PTCH1: variants seen among roughly 807,000 people sequenced by gnomAD.
The protein encoded by PTCH1 is patched 1.
Under a neutral mutation model 144.6 loss-of-function variants are expected in PTCH1, and 14 were observed. The observed-to-expected ratio is 0.10, with a 90% CI of 0.06 to 0.15. The LOEUF (loss-of-function observed/expected upper bound fraction) is 0.15. Among genes scored for constraint, PTCH1 ranks in the 10% least tolerant of loss-of-function variants. PTCH1 has a pLI of 1.00. For synonymous variants in PTCH1, 833 were observed against 793.6 expected, an observed-to-expected ratio of 1.05 and a Z score of -0.83; for missense variants, 1,623 against 1,948.3, an observed-to-expected ratio of 0.83 and a Z score of 3.14.
At chr9:95,463,744 C>T (rs1839756479) in intron 15 of PTCH1, among the ~76,000 whole-genome samples, 1 of 152,100 alleles carries the variant, frequency 6.6e-6, no homozygotes, top group Admixed American at 6.5e-5. Flanking sequence ...TCCGGCTTCA[C>T]AGATGGAGGA....
chr9:95,516,167 T>C (rs1283986781), intron 1 of PTCH1, among the ~76,000 whole-genome samples: 1 of 150,596 alleles, frequency 6.6e-6, no homozygotes, highest in Non-Finnish European at 1.5e-5. Flanking sequence ...CCCGGAGCCG[T>C]TCCTCAGCCG....
chr9:95,473,831 C>T (rs1264619157), intron 12 of PTCH1, among the ~76,000 whole-genome samples: 2 of 152,162 alleles, frequency 1.3e-5, no homozygotes, highest in African/African-American at 4.8e-5. Flanking sequence ...CGTGAGCCAC[C>T]GTGCGAAGCA....
chr9:95,466,945 G>A (rs1465363129), intron 15 of PTCH1, among the ~76,000 whole-genome samples, 171 bp downstream of exon 15: 1 of 152,172 alleles, frequency 6.6e-6, no homozygotes, highest in Non-Finnish European at 1.5e-5. Context: ...GCCAGATCTG[G>A]GAGGCTGCTG....
In PTCH1 at chr9:95,498,895, TA is replaced by T. The variant is rs567233574; in HGVS notation, c.394+7511del. Among the ~76,000 whole-genome samples, 32 of 152,298 alleles carry T rather than the reference TA, an allele frequency of 2.1e-4. No homozygotes were observed. The East Asian group carries it at 6.2e-3, about 29-fold the overall frequency. ...AGACCTCTCGTGAGGATGGAACACATAAAGCTTCAGAGTCGGCCAAAATCTG... is the reference window on the plus strand; with the variant it reads ...AGACCTCTCGTGAGGATGGAACACATAAGCTTCAGAGTCGGCCAAAATCTG... On this transcript the variant is annotated intron_variant, in intron 2 of 23. Transcript: ENST00000331920.
rs992889662 is a variant in PTCH1, at chr9:95,509,242, A to G, written c.-881T>C. On this transcript the variant is annotated 5_prime_UTR_variant, in exon 1 of 24. Transcript: ENST00000331920. ...AGAACTCTCTCCATTTGGAGAAAGA[A>G]GAGGAGGAGGGGAGGGGAGGGGGTG... 6.0e-5 allele frequency among the ~76,000 whole-genome samples: 8 copies of G among 133,102 alleles called. No homozygotes were observed. Among genetic ancestry groups the G allele is most frequent in the Non-Finnish European group, 1.1e-4 (7 of 63,672 alleles). The allele number at this position is 133,102 out of a possible 152,430, so 87.3% of individuals were successfully genotyped here. A position where few individuals can be genotyped will look rare whatever the true frequency, so the allele number is the denominator to read the frequency against.
chr9:95,457,882 A>C, intron 18 of PTCH1, 131 bp downstream of exon 18: 4 of 1,278,166 alleles, frequency 3.1e-6, no homozygotes, highest in Non-Finnish European at 4.4e-6. Context: ...CTCGAGTAGA[A>C]TAAACATATT....
chr9:95,461,660 C>T (rs551463163), intron 16 of PTCH1, among the ~76,000 whole-genome samples, 196 bp downstream of exon 16: 1 of 152,342 alleles, frequency 6.6e-6, no homozygotes, highest in South Asian at 2.1e-4. Context: ...AAGTGAGGTG[C>T]ACTGGCTGGC....
chr9:95,449,355 C>A lies in PTCH1; in HGVS notation c.3550-32G>T, dbSNP rs1014495015. The A allele has an allele frequency of 6.5e-7, 1 of 1,539,598 alleles. No homozygotes were observed. Among genetic ancestry groups the A allele is most frequent in the African/African-American group, 1.4e-5 (1 of 73,272 alleles). On this transcript the variant is annotated intron_variant, in intron 21 of 23. Coordinates refer to ENST00000331920, the MANE Select transcript of PTCH1 (RefSeq NM_000264.5). The surrounding 1 kb of genome is among the most constrained non-coding windows in gnomAD (Gnocchi z 5.3). The stretch of plus-strand genomic sequence containing the variant: ...AAGGGGATTCCATGTTAAAAGTGTT[C>A]TTGTCCATTTACCTGCTGGCCACAC...
chr9:95,489,802 ATTT>A (rs1272314588), intron 2 of PTCH1, among the ~76,000 whole-genome samples: 2 of 136,954 alleles, frequency 1.5e-5, no homozygotes, highest in Non-Finnish European at 1.6e-5. Context: ...GCTATGGATA[ATTT>A]TTTTTTTTTT....
At chr9:95,515,215 A>T (rs1844310986) in intron 1 of PTCH1, among the ~76,000 whole-genome samples, 1 of 152,194 alleles carries the variant, frequency 6.6e-6, no homozygotes, top group Non-Finnish European at 1.5e-5. Context: ...TAAAAACCTA[A>T]AAGAAATGCA....
intron 19 of PTCH1, among the ~76,000 whole-genome samples, chr9:95,453,945 C>A (rs1013122129): frequency 1.3e-5 from 2 of 152,354 alleles, no homozygotes; most frequent in Middle Eastern, 3.4e-3. Context: ...ACACCACTCA[C>A]ACGTGAGACC....
intron 2 of PTCH1, among the ~76,000 whole-genome samples, chr9:95,495,916 A>C (rs904556704): frequency 6.6e-6 from 1 of 152,220 alleles, no homozygotes; most frequent in South Asian, 2.1e-4. Context: ...TTTCTACAGA[A>C]AGTAATGGGA....
At chr9:95,473,832 G>A (rs1840800831) in intron 12 of PTCH1, among the ~76,000 whole-genome samples, 3 of 152,238 alleles carry the variant, frequency 2.0e-5, no homozygotes, top group South Asian at 2.1e-4. Flanking sequence ...GTGAGCCACC[G>A]TGCGAAGCAC....
At position 95,447,106 on chromosome 9, in the gene PTCH1, G is replaced by C. The variant is rs1837989804; in HGVS notation, c.4150C>G (p.Pro1384Ala). 6.2e-7 allele frequency: 1 copy of C among 1,613,482 alleles called. No individual in the cohort carries two copies. The highest frequency in any genetic ancestry group is 1.3e-5 in the African/African-American group (1 of 74,942). The change falls in exon 23 of 24, where the codon CCG (proline) becomes GCG (alanine). Residue 1384 changes from proline (P) to alanine (A), a missense_variant. Transcript: ENST00000331920. Reference sequence around the variant, plus strand: ...TTCCGCCCAGGCCCAGGGACAGGCGGCGGGTGCACGGCGACAGTCACGGAG... The same window carrying C: ...TTCCGCCCAGGCCCAGGGACAGGCGCCGGGTGCACGGCGACAGTCACGGAG... Reference protein sequence around the residue: ...SASVTVAVHPPPVPGPGRNPR... With the variant: ...SASVTVAVHPAPVPGPGRNPR...
At chr9:95,501,922 T>C (rs933511992) in intron 2 of PTCH1, among the ~76,000 whole-genome samples, 7 of 152,124 alleles carry the variant, frequency 4.6e-5, no homozygotes, top group Non-Finnish European at 1.0e-4. Context: ...GGTGAAGCAT[T>C]CGTGGCTCCA....
chr9:95,506,694 A>C, intron 1 of PTCH1, 95 bp from the exon 2 acceptor site: 2 of 1,049,790 alleles, frequency 1.9e-6, no homozygotes, highest in Non-Finnish European at 2.5e-6. Context: ...AGCCCCCAAC[A>C]GCCGTGGGGG....
chr9:95,496,015 T>C (rs1842763490), intron 2 of PTCH1, among the ~76,000 whole-genome samples: 1 of 152,222 alleles, frequency 6.6e-6, no homozygotes, highest in Non-Finnish European at 1.5e-5. Context: ...GTATCTGTTA[T>C]ATTTCTGTCT....
Position 95,447,337 on chromosome 9 carries a change from G to A in PTCH1, c.3919C>T (p.Pro1307Ser), listed in dbSNP as rs574880967. ...GGGGGTGGCCACAAGCCTTCTCTGG[G>A]GGGGTCCCTGCGGGGCTGCTGGCCT... is the stretch of plus-strand genomic sequence containing the variant. ...RQGQQPRRDP[P>S]REGLWPPPYR... is the part of the protein sequence containing the mutation. Residue 1307 changes from proline to serine, a missense_variant, in exon 23 of 24, where the codon CCC (proline) becomes TCC (serine). By Grantham distance (74) the Pro-to-Ser change is moderately conservative. Coordinates refer to ENST00000331920, the MANE Select transcript of PTCH1 (RefSeq NM_000264.5). 397 of 1,613,386 alleles carry A rather than the reference G, an allele frequency of 2.5e-4. 1 individual carries two copies. The highest frequency in any genetic ancestry group is 3.1e-4 in the Non-Finnish European group (365 of 1,179,990).
Position 95,447,336 on chromosome 9 carries a change from G to T in PTCH1, c.3920C>A (p.Pro1307His), listed in dbSNP as rs181585555. ...RQGQQPRRDPPREGLWPPPYR... is the reference protein window; with the variant it reads ...RQGQQPRRDPHREGLWPPPYR... ...GGGGGGTGGCCACAAGCCTTCTCTG[G>T]GGGGGTCCCTGCGGGGCTGCTGGCC... The change falls in exon 23 of 24, where the codon CCC (proline) becomes CAC (histidine). Residue 1307 changes from proline to histidine, a missense_variant. Around this residue, in one of 7 missense-constraint regions of PTCH1, gnomAD observed 291 missense variants for 287.4 expected, o/e 1.01. Transcript: ENST00000331920. 4.3e-6 allele frequency: 7 copies of T among 1,613,366 alleles called. No individual in the cohort carries two copies. The highest frequency in any genetic ancestry group is 1.7e-5 in the Admixed American group (1 of 60,028).
Sources: allele counts gnomAD v4.1 joint callset (sites outside exome capture counted in the v4.1 genomes callset), GRCh38; gene constraint gnomAD v4.1.1; regional missense constraint gnomAD v4.1.1; non-coding constraint Gnocchi (gnomAD v3.1); transcripts MANE v1.5; gene names NCBI Gene and HGNC (gene_info 2026-07-23, HGNC 2026-07-21).